ATP9A: variants seen among roughly 807,000 people sequenced by gnomAD.
ATP9A encodes the protein probable phospholipid-transporting ATPase IIA.
Under a neutral mutation model 144.1 loss-of-function variants are expected in ATP9A, and 52 were observed. The observed-to-expected ratio is 0.36, with a 90% CI of 0.29 to 0.45. The LOEUF is 0.45. ATP9A is among the 20% of genes least tolerant of loss of function. ATP9A has a pLI of 1.00. For synonymous variants in ATP9A, 582 were observed against 557.4 expected (o/e 1.04, Z -0.62); for missense variants, 947 against 1,392.7 (o/e 0.68, Z 5.09).
At chr20:51,635,514 G>T in intron 15 of ATP9A, among the ~76,000 whole-genome samples, 1 of 152,056 alleles carries the variant, frequency 6.6e-6, no homozygotes, top group Non-Finnish European at 1.5e-5. Flanking sequence ...GAGATGGGAG[G>T]ATCATTTGAG....
intron 4 of ATP9A, among the ~76,000 whole-genome samples, chr20:51,698,023 C>T (rs2077577933): frequency 6.6e-6 from 1 of 152,210 alleles, no homozygotes; most frequent in Admixed American, 6.5e-5. Flanking sequence ...GTGCTCAGCA[C>T]TGTACAGATT....
At chr20:51,743,098 G>C (rs934623291) in intron 1 of ATP9A, among the ~76,000 whole-genome samples, 3 of 152,306 alleles carry the variant, frequency 2.0e-5, no homozygotes, top group South Asian at 2.1e-4. Flanking sequence ...CCAAACAAGA[G>C]AAGTGACAGC....
chr20:51,697,651 T>A (rs1393977120), intron 4 of ATP9A, among the ~76,000 whole-genome samples, 169 bp from the exon 5 acceptor site: 1 of 152,044 alleles, frequency 6.6e-6, no homozygotes, highest in African/African-American at 2.4e-5. Context: ...CAGGAAAGGG[T>A]TCAACCGCTA....
chr20:51,754,947 TAA>T (rs555019652), intron 1 of ATP9A, among the ~76,000 whole-genome samples: 2 of 138,188 alleles, frequency 1.4e-5, no homozygotes. Flanking sequence ...CCATCCCTAC[TAA>T]AAAAAAAAAA....
At chr20:51,710,794 A>G (rs1327521507) in intron 4 of ATP9A, among the ~76,000 whole-genome samples, 6 of 152,322 alleles carry the variant, frequency 3.9e-5, no homozygotes, top group Non-Finnish European at 5.9e-5. Context: ...GTGAAGTTGA[A>G]GCAAGAGCTG....
Position 51,598,094 on chromosome 20 carries a change from G to C in ATP9A, c.*3117C>G, listed in dbSNP as rs773903237. On this transcript the variant is annotated 3_prime_UTR_variant, in exon 28 of 28. Transcript: ENST00000338821. ...CCACAGGCAACACACATGTGCACAC[G>C]CATGCTTTCAAAATGAGGATCAAAA... The C allele has an allele frequency of 7.3e-5, 11 of 151,136 alleles. No homozygotes were observed. The allele number at this position is 151,136 out of a possible 1,614,324, so 9.4% of individuals were successfully genotyped here. A position where few individuals can be genotyped will look rare whatever the true frequency, so the allele number is the denominator to read the frequency against.
chr20:51,667,778 G>A (rs906949248), intron 13 of ATP9A, among the ~76,000 whole-genome samples: 10 of 152,000 alleles, frequency 6.6e-5, no homozygotes, highest in Admixed American at 1.3e-4. Flanking sequence ...GTGGCTGGGC[G>A]CAGTGCATCA....
At position 51,742,566 on chromosome 20, in the gene ATP9A, G is replaced by A. The variant is rs551783566; in HGVS notation, c.69-12588C>T. On this transcript the variant is annotated intron_variant, in intron 1 of 27. Transcript: ENST00000338821. ...CAGTCTTGCTGTCGCCCAGGCTGGAGTGCAGTGGCGCGATCTCAGCTCACT... is the reference window on the plus strand; with the variant it reads ...CAGTCTTGCTGTCGCCCAGGCTGGAATGCAGTGGCGCGATCTCAGCTCACT... 2.0e-5 allele frequency among the ~76,000 whole-genome samples: 3 copies of A among 152,058 alleles called. No individual in the cohort carries two copies. The South Asian group carries it at 6.2e-4, about 32-fold the overall frequency.
At position 51,690,741 on chromosome 20, in the gene ATP9A, G is replaced by T; in HGVS notation, c.721C>A (p.Arg241=). 6.2e-7 allele frequency: 1 copy of T among 1,613,014 alleles called. No homozygotes were observed. Among genetic ancestry groups the T allele is most frequent in the Non-Finnish European group, 8.5e-7 (1 of 1,179,036 alleles). The change falls in exon 8 of 28, where the codon CGA becomes AGA. Residue 241 remains arginine, a splice_region_variant and synonymous_variant. Transcript: ENST00000338821. ...DIHNFVGTFT[R]EDSDPPISES... ...CCATGTGAAGGAAGCTCACTTACTC[G>T]GGTAAAAGTTCCCACGAAGTTGTGA...
At chr20:51,754,497 C>T (rs1207096644) in intron 1 of ATP9A, among the ~76,000 whole-genome samples, 1 of 151,522 alleles carries the variant, frequency 6.6e-6, no homozygotes, top group Non-Finnish European at 1.5e-5. Context: ...GAACAAAACT[C>T]CATCTCGGGA....
At chr20:51,636,443 T>TG (rs1162700761) in intron 15 of ATP9A, among the ~76,000 whole-genome samples, 13 of 152,224 alleles carry the variant, frequency 8.5e-5, no homozygotes, top group Non-Finnish European at 1.5e-4. Context: ...CCACTAAATG[T>TG]GGGGCAATCT....
At chr20:51,655,930 G>T (rs2077385119) in intron 14 of ATP9A, among the ~76,000 whole-genome samples, 1 of 151,902 alleles carries the variant, frequency 6.6e-6, no homozygotes, top group African/African-American at 2.4e-5. Flanking sequence ...TCCATAAACA[G>T]ATTATTATTC....
rs11482003 is a variant in ATP9A, at chr20:51,608,043, CAAAAAAAAA to C, written c.2745+466_2746-460del. On this transcript the variant is annotated intron_variant, in intron 25 of 27. Coordinates refer to ENST00000338821, the MANE Select transcript of ATP9A (RefSeq NM_006045.3). Reference sequence around the variant, plus strand: ...TGGGTGACAAAGTGAGAATTAGTCTCAAAAAAAAAAAAAAAAAGAATTAACATTAAAATT... The same window carrying C: ...TGGGTGACAAAGTGAGAATTAGTCTCAAAAAAAAGAATTAACATTAAAATT... 5.6e-4 allele frequency among the ~76,000 whole-genome samples: 65 copies of C among 116,484 alleles called. No homozygotes were observed. In the South Asian group the frequency reaches 0.016, roughly 29 times the overall value. The allele number at this position is 116,484 out of a possible 152,430, so 76.4% of individuals were successfully genotyped here.
chr20:51,602,525 G>A (rs188271511), intron 27 of ATP9A, among the ~76,000 whole-genome samples: 3 of 152,250 alleles, frequency 2.0e-5, no homozygotes, highest in Non-Finnish European at 4.4e-5. Flanking sequence ...CTAGAGACTA[G>A]TGACAAGGGT....
intron 15 of ATP9A, among the ~76,000 whole-genome samples, chr20:51,635,562 A>T (rs1749970450): frequency 6.6e-6 from 1 of 151,624 alleles, no homozygotes; most frequent in Admixed American, 6.6e-5. Flanking sequence ...ATATGGTGAG[A>T]CCCTATCTTC....
At chr20:51,695,506 C>T (rs142331302) in intron 6 of ATP9A, among the ~76,000 whole-genome samples, 4 of 151,090 alleles carry the variant, frequency 2.6e-5, no homozygotes, top group African/African-American at 9.7e-5. Flanking sequence ...TTAGTAGACT[C>T]ATAGGGTGGG....
intron 1 of ATP9A, among the ~76,000 whole-genome samples, 174 bp from the exon 2 acceptor site, chr20:51,730,152 C>A (rs1007521636): frequency 6.6e-6 from 1 of 152,132 alleles, no homozygotes; most frequent in African/African-American, 2.4e-5. Flanking sequence ...GAAGCTCCCA[C>A]GAAGCTGTGG....
chr20:51,767,273 C>G (rs1292999922), intron 1 of ATP9A, among the ~76,000 whole-genome samples: 2 of 152,282 alleles, frequency 1.3e-5, no homozygotes, highest in South Asian at 2.1e-4. Context: ...CTCAGCCTCC[C>G]GCGGGCTCCA....
rs1358500642 is a variant in ATP9A, at chr20:51,644,272, T to TTC, written c.1507-4769_1507-4768insGA. The stretch of plus-strand genomic sequence containing the variant: ...CTTCTAGCTTTTACTTCTAGCTTTT[T>TTC]TTTTTTTTTTTTTTTTTTGAGACGG... On this transcript the variant is annotated intron_variant, in intron 14 of 27. Coordinates refer to ENST00000338821, the MANE Select transcript of ATP9A (RefSeq NM_006045.3). 5.0e-3 allele frequency among the ~76,000 whole-genome samples: 219 copies of TTC among 43,890 alleles called. 24 individuals carry two copies. The highest frequency in any genetic ancestry group is 0.029 in the Middle Eastern group (2 of 70). 28.8% of individuals were successfully genotyped at this position (43,890 alleles called of 152,430 possible). A position where few individuals can be genotyped will look rare whatever the true frequency, so the allele number is the denominator to read the frequency against.
Sources: gnomAD v4.1 joint callset for allele counts (sites outside exome capture counted in the v4.1 genomes callset) on GRCh38, gnomAD v4.1.1 for gene constraint, MANE v1.5 for transcripts, NCBI Gene and HGNC (gene_info 2026-07-23, HGNC 2026-07-21) for gene names.